FBN2: variants seen among roughly 807,000 people sequenced by gnomAD.
FBN2 encodes fibrillin 2, also known as fibrillin-2.
A neutral mutation model predicts 355.6 loss-of-function variants in FBN2; 105 were observed. That is an observed-to-expected ratio of 0.30 (90% CI 0.25 to 0.35). The LOEUF is 0.35. Ranked by LOEUF, FBN2 falls within the 10% of genes least tolerant of loss-of-function variation. FBN2 has a pLI of 1.00. For missense variants in FBN2, 3,280 were observed against 3,758.7 expected, an observed-to-expected ratio of 0.87 and a Z score of 3.33; for synonymous variants, 1,350 against 1,301.2, an observed-to-expected ratio of 1.04 and a Z score of -0.81.
At chr5:128,312,933 G>C in intron 36 of FBN2, 138 bp from the exon 37 acceptor site, 2 of 932,116 alleles carry the variant, frequency 2.1e-6, no homozygotes, top group Non-Finnish European at 1.7e-6. Context: ...TAAGTACCAA[G>C]CAATCTCCTG....
intron 19 of FBN2, among the ~76,000 whole-genome samples, chr5:128,359,221 T>C (rs1386458793): frequency 6.6e-6 from 1 of 152,044 alleles, no homozygotes; most frequent in Non-Finnish European, 1.5e-5. Flanking sequence ...TAAAATACTC[T>C]GAAAACATGA....
chr5:128,383,300 A>AC (rs1752281800), intron 11 of FBN2, among the ~76,000 whole-genome samples: 2 of 152,086 alleles, frequency 1.3e-5, no homozygotes, highest in Admixed American at 6.6e-5. Flanking sequence ...TACAAAAAAT[A>AC]AACTTCATAC....
intron 34 of FBN2, among the ~76,000 whole-genome samples, chr5:128,326,950 A>G (rs1241676743): frequency 2.6e-5 from 4 of 152,222 alleles, no homozygotes; most frequent in African/African-American, 9.6e-5. Context: ...ACAATTAGGA[A>G]GGAAAAATCC....
chr5:128,453,576 T>G (rs1267103126), intron 6 of FBN2, among the ~76,000 whole-genome samples: 1 of 152,230 alleles, frequency 6.6e-6, no homozygotes, highest in South Asian at 2.1e-4. Flanking sequence ...TTTGCATTTA[T>G]TTGGGTAGTA....
intron 3 of FBN2, among the ~76,000 whole-genome samples, chr5:128,529,455 G>A (rs1756649308): frequency 6.6e-6 from 1 of 152,180 alleles, no homozygotes; most frequent in Admixed American, 6.5e-5. Context: ...AGGTCAAACA[G>A]GATGATGATT....
intron 2 of FBN2, among the ~76,000 whole-genome samples, chr5:128,532,610 C>T (rs1428484373): frequency 6.6e-6 from 1 of 152,150 alleles, no homozygotes; most frequent in Non-Finnish European, 1.5e-5. Context: ...GGGAAAGGTC[C>T]CACAACTTTC....
At chr5:128,358,713 T>G (rs1000565146) in intron 19 of FBN2, among the ~76,000 whole-genome samples, 1 of 151,946 alleles carries the variant, frequency 6.6e-6, no homozygotes, top group South Asian at 2.1e-4. Context: ...AAAAACACAA[T>G]GTAAAAAAGA....
intron 5 of FBN2, among the ~76,000 whole-genome samples, chr5:128,480,711 C>A (rs192602587): frequency 6.6e-6 from 1 of 152,074 alleles, no homozygotes; most frequent in African/African-American, 2.4e-5. Flanking sequence ...GGCGACAGAG[C>A]GAGACTCCTT....
At chr5:128,418,245 TTACTC>T (rs771788909) in intron 7 of FBN2, among the ~76,000 whole-genome samples, 1 of 152,164 alleles carries the variant, frequency 6.6e-6, no homozygotes, top group African/African-American at 2.4e-5. Flanking sequence ...TTCTTATTGA[TTACTC>T]TAACTAGTGG....
intron 62 of FBN2, among the ~76,000 whole-genome samples, chr5:128,268,698 CT>C (rs1206319186): frequency 6.6e-6 from 1 of 152,216 alleles, no homozygotes; most frequent in Admixed American, 6.5e-5. Context: ...GGCTTCATCC[CT>C]TTGATGCAAG....
chr5:128,396,396 G>C (rs917524916), intron 8 of FBN2, among the ~76,000 whole-genome samples: 2 of 152,172 alleles, frequency 1.3e-5, no homozygotes, highest in East Asian at 3.9e-4. Flanking sequence ...AGATGAGACA[G>C]TTTCAAGAAC....
intron 19 of FBN2, among the ~76,000 whole-genome samples, chr5:128,359,964 C>A (rs967388860): frequency 3.9e-5 from 6 of 152,116 alleles, no homozygotes; most frequent in African/African-American, 1.4e-4. Flanking sequence ...CATTACGTGT[C>A]TCTCACAATA....
intron 45 of FBN2, among the ~76,000 whole-genome samples, chr5:128,303,889 A>G (rs1340210059): frequency 6.6e-6 from 1 of 152,202 alleles, no homozygotes; most frequent in East Asian, 1.9e-4. Flanking sequence ...AAGCATGTAT[A>G]AACAAGCATT....
chr5:128,475,111 G>T (rs1022220677), intron 5 of FBN2, among the ~76,000 whole-genome samples: 5 of 152,140 alleles, frequency 3.3e-5, no homozygotes, highest in Admixed American at 1.3e-4. Flanking sequence ...CCTGGCTCCT[G>T]GAATTAGAAC....
intron 5 of FBN2, among the ~76,000 whole-genome samples, chr5:128,516,652 T>C (rs1756288951): frequency 6.6e-6 from 1 of 152,178 alleles, no homozygotes; most frequent in Admixed American, 6.5e-5. Context: ...CAAATATCTC[T>C]GATTTTACAA....
chr5:128,261,639 A>C, intron 64 of FBN2, 97 bp downstream of exon 64: 2 of 1,052,088 alleles, frequency 1.9e-6, no homozygotes, highest in Non-Finnish European at 3.0e-6. Flanking sequence ...TCAAGGTATG[A>C]TTAACTTCAG....
intron 34 of FBN2, among the ~76,000 whole-genome samples, chr5:128,319,501 GTTAATTTA>G (rs1750309169): frequency 1.1e-5 from 1 of 93,086 alleles, no homozygotes; most frequent in African/African-American, 4.4e-5. Context: ...AATAAATTTA[GTTAATTTA>G]GTTAATTAAA....
At chr5:128,406,594 C>T (rs1752933478) in intron 8 of FBN2, among the ~76,000 whole-genome samples, 1 of 152,152 alleles carries the variant, frequency 6.6e-6, no homozygotes, top group South Asian at 2.1e-4. Flanking sequence ...CACTGCGATA[C>T]TGTCAGTTGG....
chr5:128,331,745 A>G (rs1403813995), intron 32 of FBN2, among the ~76,000 whole-genome samples: 1 of 152,110 alleles, frequency 6.6e-6, no homozygotes, highest in Non-Finnish European at 1.5e-5. Context: ...TAGGGGAAAG[A>G]AGATGTAAAG....
Sources: allele counts gnomAD v4.1 joint callset (sites outside exome capture counted in the v4.1 genomes callset), GRCh38; gene constraint gnomAD v4.1.1; transcripts MANE v1.5; gene names NCBI Gene and HGNC (gene_info 2026-07-23, HGNC 2026-07-21).